The following LIMCH1 variants were observed in gnomAD, a reference collection of about 807,000 sequenced individuals.
LIMCH1 encodes the protein LIM and calponin homology domains-containing protein 1.
LIMCH1 carries 113 observed loss-of-function variants against 176.5 expected under a neutral mutation model. The ratio of observed to expected loss-of-function variants is 0.64; its 90% confidence interval spans 0.55 to 0.75. The LOEUF (loss-of-function observed/expected upper bound fraction) is 0.75, where lower values mean the gene tolerates loss of function less well. LIMCH1 is among the 30% of genes least tolerant of loss of function. The pLI is 0.00. For missense variants in LIMCH1, 1,674 were observed against 1,814.9 expected, an observed-to-expected ratio of 0.92 and a Z score of 1.41; for synonymous variants, 619 against 645.9, an observed-to-expected ratio of 0.96 and a Z score of 0.63.
intron 1 of LIMCH1, among the ~76,000 whole-genome samples, chr4:41,489,111 C>G (rs555254909): frequency 1.3e-5 from 2 of 152,218 alleles, no homozygotes; most frequent in East Asian, 3.9e-4. Flanking sequence ...TCTATAGTAT[C>G]TGTAATAATG....
At chr4:41,632,107 C>T (rs1306731364) in intron 10 of LIMCH1, among the ~76,000 whole-genome samples, 1 of 152,122 alleles carries the variant, frequency 6.6e-6, no homozygotes, top group African/African-American at 2.4e-5. Flanking sequence ...CCCTGGAGGC[C>T]ACCCAGTTTT....
intron 1 of LIMCH1, among the ~76,000 whole-genome samples, chr4:41,541,779 G>T (rs2078690445): frequency 6.6e-6 from 1 of 152,214 alleles, no homozygotes; most frequent in African/African-American, 2.4e-5. Flanking sequence ...ACATGGCTGT[G>T]CTCAGTTCCT....
chr4:41,437,735 A>G (rs553028767), intron 1 of LIMCH1, among the ~76,000 whole-genome samples: 2 of 152,312 alleles, frequency 1.3e-5, no homozygotes, highest in East Asian at 3.9e-4. Flanking sequence ...TCTCTGTTTC[A>G]TGTAAATTCA....
At chr4:41,457,365 G>A (rs376622444) in intron 1 of LIMCH1, among the ~76,000 whole-genome samples, 24 of 152,018 alleles carry the variant, frequency 1.6e-4, no homozygotes, top group African/African-American at 4.6e-4. Context: ...TTTATATAAC[G>A]TAGGGAAATT....
chr4:41,387,539 AG>A (rs1408464909), intron 1 of LIMCH1, among the ~76,000 whole-genome samples: 3 of 152,266 alleles, frequency 2.0e-5, no homozygotes, highest in African/African-American at 7.2e-5. Context: ...CTTGCCAGCC[AG>A]GCAGAACAAT....
intron 13 of LIMCH1, among the ~76,000 whole-genome samples, chr4:41,634,623 C>T (rs890163406): frequency 3.3e-5 from 5 of 152,172 alleles, no homozygotes; most frequent in Non-Finnish European, 5.9e-5. Flanking sequence ...CTGAATAAAA[C>T]AGTAATGGAG....
intron 2 of LIMCH1, among the ~76,000 whole-genome samples, chr4:41,510,237 A>T (rs1269205895): frequency 6.6e-6 from 1 of 152,216 alleles, no homozygotes; most frequent in Non-Finnish European, 1.5e-5. Flanking sequence ...TCTCCTCCTG[A>T]ACAAATTTTT....
chr4:41,534,073 C>G (rs1480917654), upstream of LIMCH1, among the ~76,000 whole-genome samples: 1 of 152,040 alleles, frequency 6.6e-6, no homozygotes, highest in Non-Finnish European at 1.5e-5. Context: ...ATCTCGTGTT[C>G]CAGATAACTG....
intron 31 of LIMCH1, among the ~76,000 whole-genome samples, chr4:41,695,294 A>T (rs1262830029): frequency 6.6e-6 from 1 of 151,372 alleles, no homozygotes; most frequent in Non-Finnish European, 1.5e-5. Context: ...TAAAGTGTAT[A>T]AATAAATTTA....
chr4:41,633,439 C>G, intron 12 of LIMCH1, 109 bp from the exon 13 acceptor site: 1 of 1,345,720 alleles, frequency 7.4e-7, no homozygotes, highest in Non-Finnish European at 1.0e-6. Flanking sequence ...GCCGCTGCCT[C>G]CAGGGATGCT....
chr4:41,689,669 C>T (rs751295520), intron 30 of LIMCH1, 34 bp downstream of exon 30: 2 of 1,277,782 alleles, frequency 1.6e-6, no homozygotes, highest in Admixed American at 1.7e-5. Context: ...CCAGACACAA[C>T]TTCATGATGT....
intron 1 of LIMCH1, among the ~76,000 whole-genome samples, chr4:41,547,861 GTGTATATATATATATATA>G (rs1482711325): frequency 2.4e-5 from 2 of 84,962 alleles, no homozygotes; most frequent in African/African-American, 7.9e-5. Context: ...ATTTGTGTGT[GTGTATATATATATATATA>G]TATATATATA....
At chr4:41,694,523 T>G (rs1728908991) in intron 31 of LIMCH1, among the ~76,000 whole-genome samples, 1 of 152,200 alleles carries the variant, frequency 6.6e-6, no homozygotes, top group Non-Finnish European at 1.5e-5. Flanking sequence ...TTGCTGTCAT[T>G]TTGAACTTAA....
At chr4:41,562,708 G>A (rs2082217588) in intron 1 of LIMCH1, among the ~76,000 whole-genome samples, 1 of 152,134 alleles carries the variant, frequency 6.6e-6, no homozygotes, top group African/African-American at 2.4e-5. Context: ...TCAGGCTGGA[G>A]TCTGGAAATA....
intron 3 of LIMCH1, chr4:41,604,389 A>G (rs1451437642): frequency 1.6e-5 from 3 of 187,326 alleles, no homozygotes; most frequent in Admixed American, 6.5e-5. Context: ...AACTTTTTGT[A>G]GATCTTATTT....
intron 1 of LIMCH1, among the ~76,000 whole-genome samples, chr4:41,573,793 G>T (rs1185109053): frequency 6.6e-6 from 1 of 152,142 alleles, no homozygotes; most frequent in African/African-American, 2.4e-5. Flanking sequence ...TTTGAGACGT[G>T]TTGTCAGGTC....
rs749109649 is a variant in LIMCH1, at chr4:41,631,216, G to A, written c.1340G>A (p.Arg447His). Residue 447 changes from arginine to histidine, a missense_variant, in exon 10 of 32, where the codon CGT (arginine) becomes CAT (histidine). Coordinates refer to ENST00000503057, the MANE Select transcript of LIMCH1 (RefSeq NM_001330672.2). ...GAAATTAAAGCAGAAACTGCCATTC[G>A]TGATGACTTTGCCAACCGCAAAGCA... ...SPEIKAETAI[R>H]DDFANRKARA... The A allele has an allele frequency of 6.5e-6, 10 of 1,536,062 alleles. No homozygotes were observed. The highest frequency in any genetic ancestry group is 2.7e-5 in the African/African-American group (2 of 73,146).
At position 41,426,357 on chromosome 4, in the gene LIMCH1, A is replaced by C. The variant is rs2061104626; in HGVS notation, c.96+65421A>C. 2.0e-5 allele frequency among the ~76,000 whole-genome samples: 3 copies of C among 152,220 alleles called. No individual in the cohort carries two copies. In the South Asian group the frequency reaches 6.2e-4, roughly 32 times the overall value. ...TCTTGTAAGATTCCAGGTGATTCTTAGTTCTTTTCATGGTCTGTATATGAG... is the reference window on the plus strand; with the variant it reads ...TCTTGTAAGATTCCAGGTGATTCTTCGTTCTTTTCATGGTCTGTATATGAG... On this transcript the variant is annotated intron_variant, in intron 1 of 26. Coordinates refer to the LIMCH1 transcript ENST00000313860.
At chr4:41,587,239 T>A (rs886810056) in intron 1 of LIMCH1, among the ~76,000 whole-genome samples, 1 of 152,220 alleles carries the variant, frequency 6.6e-6, no homozygotes, top group Non-Finnish European at 1.5e-5. Context: ...CCAGTATTGA[T>A]AGTTTTGTCT....
Sources: allele counts gnomAD v4.1 joint callset (sites outside exome capture counted in the v4.1 genomes callset), GRCh38; gene constraint gnomAD v4.1.1; transcripts MANE v1.5; gene names NCBI Gene and HGNC (gene_info 2026-07-23, HGNC 2026-07-21).